The following RNF17 variants were observed in gnomAD, a reference collection of about 807,000 sequenced individuals.
The protein encoded by RNF17 is spermatogenesis associated 23.
Under a neutral mutation model 200.5 loss-of-function variants are expected in RNF17, and 31 were observed. The observed-to-expected ratio is 0.15, with a 90% CI of 0.12 to 0.21. The LOEUF (loss-of-function observed/expected upper bound fraction) is 0.21, where lower values mean the gene tolerates loss of function less well. RNF17 is among the 10% of genes least tolerant of loss of function. The pLI is 1.00. For missense variants in RNF17, 1,628 were observed against 1,905.1 expected, an observed-to-expected ratio of 0.85 and a Z score of 2.71; for synonymous variants, 606 against 637.8, an observed-to-expected ratio of 0.95 and a Z score of 0.75.
rs199968125 is a variant in RNF17, at chr13:24,817,731, T to A, written c.2092-7888T>A. Among the ~76,000 whole-genome samples, 830 of 138,376 alleles carry A rather than the reference T, an allele frequency of 6.0e-3. 22 individuals are homozygous for A. In the East Asian group the frequency reaches 0.092, roughly 15 times the overall value. The allele number at this position is 138,376 out of a possible 152,430, so 90.8% of individuals were successfully genotyped here. ...GACTTCATCTCAAAAAAAAAAAAAATTTTTTTTTTCTTAAAATTGGTAGTA... is the reference window on the plus strand; with the variant it reads ...GACTTCATCTCAAAAAAAAAAAAAAATTTTTTTTTCTTAAAATTGGTAGTA... On this transcript the variant is annotated intron_variant, in intron 15 of 35. Coordinates refer to ENST00000255324, the MANE Select transcript of RNF17 (RefSeq NM_031277.3).
intron 4 of RNF17, 54 bp from the exon 5 acceptor site, chr13:24,779,613 C>T: frequency 7.3e-7 from 1 of 1,366,366 alleles, no homozygotes; most frequent in Non-Finnish European, 1.0e-6. Flanking sequence ...ATATATATGT[C>T]TAGGCATCTG....
chr13:24,861,427 A>C, intron 27 of RNF17, 40 bp downstream of exon 27: 1 of 1,253,012 alleles, frequency 8.0e-7, no homozygotes, highest in Non-Finnish European at 1.1e-6. Context: ...AATTTTAAAT[A>C]TTAGTTTTTA....
At chr13:24,870,997 A>G (rs372962608) in intron 32 of RNF17, among the ~76,000 whole-genome samples, 2 of 152,216 alleles carry the variant, frequency 1.3e-5, no homozygotes, top group African/African-American at 4.8e-5. Context: ...AGCGTTGGAA[A>G]ATTGCATAAA....
chr13:24,885,586 A>C, the RNF17 span: 1 of 1,557,780 alleles, frequency 6.4e-7, no homozygotes, highest in South Asian at 1.1e-5. Context: ...TTTGAAGAAT[A>C]TATAAAAACA....
At chr13:24,747,883 C>T in the RNF17 span, among the ~76,000 whole-genome samples, 1 of 152,258 alleles carries the variant, frequency 6.6e-6, no homozygotes, top group Non-Finnish European at 1.5e-5. Flanking sequence ...AAAGCGGTTC[C>T]TGGTACGGAC....
intron 22 of RNF17, among the ~76,000 whole-genome samples, chr13:24,846,201 C>T (rs1373851026): frequency 6.6e-6 from 1 of 152,214 alleles, no homozygotes; most frequent in African/African-American, 2.4e-5. Flanking sequence ...GCTGTATTAT[C>T]TGTAGACTTG....
At chr13:24,860,962 T>G (rs1893034709) in intron 26 of RNF17, among the ~76,000 whole-genome samples, 2 of 152,052 alleles carry the variant, frequency 1.3e-5, no homozygotes, top group Admixed American at 1.3e-4. Flanking sequence ...ATTGCAGCCT[T>G]GACCTCCCGG....
intron 2 of RNF17, among the ~76,000 whole-genome samples, chr13:24,768,881 A>G (rs930764076): frequency 6.6e-5 from 10 of 152,140 alleles, no homozygotes; most frequent in Admixed American, 5.9e-4. Flanking sequence ...CAAGTTAAAT[A>G]TGGTTAAAAA....
rs778569494 is a variant in RNF17 at position 24,793,219 on chromosome 13, A to G, written c.1113A>G (p.Leu371=). Residue 371 remains leucine (L), a synonymous_variant, in exon 10 of 36, where the codon TTA becomes TTG. Transcript: ENST00000255324. ...AACCTGAGACAAATGATGTACATTT[A>G]GAAGCAAAAAACTTCCAGCCACAGA... ...PLQPETNDVH[L]EAKNFQPQKD... 6.2e-7 allele frequency: 1 copy of G among 1,614,150 alleles called. No individual in the cohort carries two copies. The highest frequency in any genetic ancestry group is 1.7e-5 in the Admixed American group (1 of 60,016).
At chr13:24,857,323 T>C (rs1184964938) in intron 25 of RNF17, among the ~76,000 whole-genome samples, 4 of 144,020 alleles carry the variant, frequency 2.8e-5, no homozygotes, top group African/African-American at 7.4e-5. Context: ...TTTGTACACC[T>C]AAGAGTGACA....
At chr13:24,798,221 A>G (rs1183662276) in intron 11 of RNF17, among the ~76,000 whole-genome samples, 1 of 152,190 alleles carries the variant, frequency 6.6e-6, no homozygotes, top group Non-Finnish European at 1.5e-5. Context: ...ACACGTAGAA[A>G]CTTAACTCTT....
At chr13:24,818,298 G>T (rs1311464036) in intron 15 of RNF17, among the ~76,000 whole-genome samples, 1 of 151,886 alleles carries the variant, frequency 6.6e-6, no homozygotes, top group East Asian at 1.9e-4. Context: ...CTAACATATG[G>T]TCTATTCTGA....
chr13:24,830,399 A>T, intron 16 of RNF17, 85 bp from the exon 17 acceptor site: 1 of 737,230 alleles, frequency 1.4e-6, no homozygotes, highest in Non-Finnish European at 2.3e-6. Context: ...AAAGTATTCT[A>T]ATCTAGTTGG....
intron 15 of RNF17, among the ~76,000 whole-genome samples, chr13:24,820,482 T>G (rs1189209330): frequency 1.4e-5 from 2 of 146,608 alleles, no homozygotes; most frequent in Non-Finnish European, 3.0e-5. Context: ...GTCACCCAGG[T>G]TGGAGTACAG....
At chr13:24,824,046 C>T (rs1888373758) in intron 15 of RNF17, 3 of 580,556 alleles carry the variant, frequency 5.2e-6, no homozygotes, top group South Asian at 5.0e-5. Context: ...GAGAACTGGA[C>T]TGCCACTGCT....
intron 25 of RNF17, 138 bp downstream of exon 25, chr13:24,854,282 GT>G: frequency 1.6e-6 from 1 of 617,412 alleles, no homozygotes; most frequent in South Asian, 2.5e-5. Context: ...TGCATGCAAA[GT>G]GCTTTTAATA....
rs559405514 is a variant in RNF17 at position 24,869,761 on chromosome 13, G to T, written c.4279-810G>T. On this transcript the variant is annotated intron_variant, in intron 31 of 35. Coordinates refer to ENST00000255324, the MANE Select transcript of RNF17 (RefSeq NM_031277.3). ...GTCACACACTGTCACTGCAGTTGTG[G>T]TTTTTTGTTTGTTTGTTTTTTGAGA... Among the ~76,000 whole-genome samples the T allele has an allele frequency of 1.3e-3, 190 of 151,798 alleles. 2 individuals carry two copies. Among genetic ancestry groups the T allele is most frequent in the South Asian group, 9.2e-3 (44 of 4,808 alleles).
intron 14 of RNF17, 46 bp downstream of exon 14, chr13:24,802,617 T>C: frequency 6.9e-7 from 1 of 1,459,652 alleles, no homozygotes. Flanking sequence ...ATTATAGCTA[T>C]AAATGAGAGT....
intron 10 of RNF17, among the ~76,000 whole-genome samples, chr13:24,795,799 TAAAG>T (rs1884493221): frequency 6.6e-6 from 1 of 152,172 alleles, no homozygotes; most frequent in South Asian, 2.1e-4. Context: ...AATATGTTCA[TAAAG>T]AAACTGAACT....
Sources: gnomAD v4.1 joint callset for allele counts (sites outside exome capture counted in the v4.1 genomes callset) on GRCh38, gnomAD v4.1.1 for gene constraint, MANE v1.5 for transcripts, NCBI Gene and HGNC (gene_info 2026-07-23, HGNC 2026-07-21) for gene names.